NREP: variants seen among roughly 807,000 people sequenced by gnomAD.
NREP encodes the protein neuronal regeneration-related protein.
A neutral mutation model predicts 8.6 loss-of-function variants in NREP; 5 were observed. That is an observed-to-expected ratio of 0.58 (90% CI 0.30 to 1.22). The LOEUF is 1.22. Ranked by LOEUF, NREP falls within the 50% of genes most tolerant of loss-of-function variation. NREP has a pLI of 0.07. For missense variants in NREP, 86 were observed against 82.5 expected, an observed-to-expected ratio of 1.04 and a Z score of -0.17; for synonymous variants, 27 against 28.0, an observed-to-expected ratio of 0.96 and a Z score of 0.11.
At chr5:111,743,477 T>C (rs1487789170) in intron 2 of NREP, among the ~76,000 whole-genome samples, 1 of 152,188 alleles carries the variant, frequency 6.6e-6, no homozygotes, top group African/African-American at 2.4e-5. Context: ...TATTCCATTA[T>C]ATAAATTGGT....
At chr5:111,739,413 C>A (rs1412663544) in intron 2 of NREP, 1 of 152,230 alleles carries the variant, frequency 6.6e-6, no homozygotes, top group Admixed American at 6.5e-5. Context: ...GTAACAAGAC[C>A]CACATGAACC....
chr5:111,898,164 A>G (rs1754557256), intron 2 of NREP, among the ~76,000 whole-genome samples: 1 of 152,170 alleles, frequency 6.6e-6, no homozygotes, highest in Admixed American at 6.5e-5. Flanking sequence ...GCGTAATCTA[A>G]TTTAAAGGCT....
chr5:111,965,522 C>G (rs924138931), intron 2 of NREP, among the ~76,000 whole-genome samples: 35 of 152,108 alleles, frequency 2.3e-4, no homozygotes, highest in Admixed American at 9.2e-4. Flanking sequence ...TAAACCCCAT[C>G]CCATAAGCTC....
At chr5:111,893,802 A>G (rs1007806718) in intron 2 of NREP, among the ~76,000 whole-genome samples, 3 of 151,858 alleles carry the variant, frequency 2.0e-5, no homozygotes, top group Non-Finnish European at 4.4e-5. Flanking sequence ...AATTCATTTT[A>G]CCATCTTGTA....
intron 3 of NREP, chr5:111,735,171 G>A: frequency 2.6e-6 from 1 of 387,180 alleles, no homozygotes; most frequent in Non-Finnish European, 4.7e-6. Flanking sequence ...CTTAAAACCT[G>A]TAAACTGTAC....
chr5:111,950,246 G>T (rs187240980), intron 2 of NREP, among the ~76,000 whole-genome samples: 1 of 152,000 alleles, frequency 6.6e-6, no homozygotes, highest in South Asian at 2.1e-4. Flanking sequence ...CATACCATAC[G>T]CCTACAACCA....
intron 2 of NREP, among the ~76,000 whole-genome samples, chr5:111,926,053 G>C (rs1473955811): frequency 6.6e-6 from 1 of 152,070 alleles, no homozygotes; most frequent in African/African-American, 2.4e-5. Context: ...TCATACACCT[G>C]GGCTAGATTT....
At chr5:111,877,005 A>G (rs998824233) in intron 2 of NREP, among the ~76,000 whole-genome samples, 5 of 152,216 alleles carry the variant, frequency 3.3e-5, no homozygotes, top group African/African-American at 1.2e-4. Context: ...TAATAATAAA[A>G]TAATAACATA....
chr5:111,766,550 T>C (rs1385986552), intron 2 of NREP, among the ~76,000 whole-genome samples: 1 of 152,200 alleles, frequency 6.6e-6, no homozygotes, highest in Non-Finnish European at 1.5e-5. Context: ...TTCCCTCTTA[T>C]CCACCTTCAG....
chr5:111,823,683 A>C (rs989716762), intron 2 of NREP, among the ~76,000 whole-genome samples: 1 of 152,210 alleles, frequency 6.6e-6, no homozygotes, highest in Non-Finnish European at 1.5e-5. Flanking sequence ...TTATAGTCTA[A>C]ACTGTGGGTT....
At chr5:111,854,482 T>G (rs1412778823) in intron 2 of NREP, among the ~76,000 whole-genome samples, 1 of 152,184 alleles carries the variant, frequency 6.6e-6, no homozygotes, top group Admixed American at 6.5e-5. Context: ...TTTGTGAAGC[T>G]GTAGACAGGC....
intron 2 of NREP, among the ~76,000 whole-genome samples, chr5:111,771,300 C>A (rs13436610): frequency 6.6e-6 from 1 of 152,094 alleles, no homozygotes; most frequent in Non-Finnish European, 1.5e-5. Context: ...GTTAGGCATT[C>A]GTTAACTCAT....
chr5:111,924,937 G>T (rs1755343909), intron 2 of NREP, among the ~76,000 whole-genome samples: 1 of 152,070 alleles, frequency 6.6e-6, no homozygotes, highest in South Asian at 2.1e-4. Flanking sequence ...ACGTAATAAG[G>T]GAGTGGGACT....
At chr5:111,955,011 T>C (rs1183525867) in intron 2 of NREP, among the ~76,000 whole-genome samples, 3 of 152,150 alleles carry the variant, frequency 2.0e-5, no homozygotes, top group African/African-American at 7.2e-5. Flanking sequence ...TGAAGATGCA[T>C]GAGGAAGAAG....
intron 2 of NREP, among the ~76,000 whole-genome samples, chr5:111,830,481 G>A (rs968730665): frequency 9.2e-5 from 14 of 152,218 alleles, no homozygotes; most frequent in Admixed American, 8.5e-4. Flanking sequence ...GCTGAAATGG[G>A]TGTTGTCAGC....
intron 2 of NREP, among the ~76,000 whole-genome samples, chr5:111,947,245 G>C (rs1212738302): frequency 2.0e-5 from 3 of 152,140 alleles, no homozygotes; most frequent in South Asian, 2.1e-4. Context: ...TGTCTTAGGA[G>C]ATCCTACATA....
intron 2 of NREP, among the ~76,000 whole-genome samples, chr5:111,950,216 T>A (rs518937): frequency 1 from 151,829 of 152,194 alleles, 75,751 homozygotes; most frequent in Middle Eastern, 1. Flanking sequence ...GGAACAGAAC[T>A]GAGACCTAAG....
upstream of NREP, among the ~76,000 whole-genome samples, chr5:111,759,814 C>T: frequency 6.6e-6 from 1 of 152,170 alleles, no homozygotes; most frequent in Non-Finnish European, 1.5e-5. Flanking sequence ...CCATGTTCTG[C>T]CCTCTTCCAT....
intron 2 of NREP, among the ~76,000 whole-genome samples, chr5:111,914,208 C>T (rs902500539): frequency 2.6e-5 from 4 of 152,108 alleles, no homozygotes; most frequent in Non-Finnish European, 4.4e-5. Flanking sequence ...AGAGACTCCT[C>T]CCTGTCCAAT....
Sources: allele counts gnomAD v4.1 joint callset (sites outside exome capture counted in the v4.1 genomes callset), GRCh38; gene constraint gnomAD v4.1.1; transcripts MANE v1.5; gene names NCBI Gene and HGNC (gene_info 2026-07-23, HGNC 2026-07-21).